Variants in GNPDA1 observed in about 807,000 individuals in gnomAD.
GNPDA1 encodes the protein glucosamine-6-phosphate deaminase 1.
GNPDA1 carries 24 observed loss-of-function variants against 28.5 expected under a neutral mutation model. The ratio of observed to expected loss-of-function variants is 0.84; its 90% CI spans 0.61 to 1.19. The LOEUF is 1.19. Among genes scored for constraint, GNPDA1 ranks in the 50% most tolerant of loss-of-function variants. GNPDA1 has a pLI of 0.00. For missense variants in GNPDA1, 264 were observed against 367.3 expected, an observed-to-expected ratio of 0.72 and a Z score of 2.30; for synonymous variants, 147 against 139.3, an observed-to-expected ratio of 1.06 and a Z score of -0.39.
At chr5:142,005,306 T>C in intron 4 of GNPDA1, 190 bp from the exon 5 acceptor site, 1 of 487,196 alleles carries the variant, frequency 2.1e-6, no homozygotes, top group East Asian at 2.9e-5. Context: ...TTTCTTTCTC[T>C]TTGCCATACT....
At chr5:142,011,057 C>G (rs1005021685) in intron 2 of GNPDA1, among the ~76,000 whole-genome samples, 11 of 151,962 alleles carry the variant, frequency 7.2e-5, no homozygotes, top group Non-Finnish European at 1.6e-4. Flanking sequence ...AGCAATCCAC[C>G]TACCTCAGCC....
chr5:142,007,839 G>A lies in GNPDA1; in HGVS notation c.186C>T (p.Ser62=). 1 of 1,612,318 alleles carries A rather than the reference G, an allele frequency of 6.2e-7. No homozygotes were observed. The highest frequency in any genetic ancestry group is 8.5e-7 in the Non-Finnish European group (1 of 1,178,394). ...TGTTGAAGGTCTTCACATATTTAAAGGACAGGTCCCCATTCTTATAGTATT... is the reference window on the plus strand; with the variant it reads ...TGTTGAAGGTCTTCACATATTTAAAAGACAGGTCCCCATTCTTATAGTATT... ...LIEYYKNGDL[S]FKYVKTFNMD... The change falls in exon 3 of 7, where the codon TCC becomes TCT. Residue 62 remains serine, a synonymous_variant. Coordinates refer to ENST00000311337, the MANE Select transcript of GNPDA1 (RefSeq NM_005471.5).
chr5:142,006,664 A>G (rs1755813685), intron 3 of GNPDA1, among the ~76,000 whole-genome samples: 1 of 152,144 alleles, frequency 6.6e-6, no homozygotes, highest in Non-Finnish European at 1.5e-5. Flanking sequence ...CACCTGGGGT[A>G]GGGCTGAACT....
In GNPDA1 at chr5:142,013,002, C is replaced by T. The variant is rs1756003364; in HGVS notation, c.-14G>A. On this transcript the variant is annotated 5_prime_UTR_variant, in exon 1 of 7. Transcript: ENST00000311337. Reference sequence around the variant, plus strand: ...GCCCTGCTACCCACTTACACGGACGCCTCCCGCGGCGGCTGCAGCGACTGC... The same window carrying T: ...GCCCTGCTACCCACTTACACGGACGTCTCCCGCGGCGGCTGCAGCGACTGC... 1 of 151,376 alleles carries T rather than the reference C, an allele frequency of 6.6e-6. No individual in the cohort carries two copies. Among genetic ancestry groups the T allele is most frequent in the African/African-American group, 2.4e-5 (1 of 41,346 alleles). The allele number at this position is 151,376 out of a possible 1,614,324, so 9.4% of individuals were successfully genotyped here.
chr5:142,006,192 A>C lies in GNPDA1; in HGVS notation c.361T>G (p.Phe121Val), dbSNP rs1034863681. The change falls in exon 4 of 7, where the codon TTT becomes GTT. Residue 121 changes from phenylalanine (F) to valine (V), a missense_variant. Coordinates refer to ENST00000311337, the MANE Select transcript of GNPDA1 (RefSeq NM_005471.5). ...AVDLQAECDA[F>V]EEKIKAAGGI... ...CCTGCAGCCTTGATCTTCTCTTCAA[A>C]GGCATCACATTCTGCCTGTAGGTCG... 6.2e-7 allele frequency: 1 copy of C among 1,614,124 alleles called. No individual in the cohort carries two copies. The highest frequency in any genetic ancestry group is 2.2e-5 in the East Asian group (1 of 44,882).
In GNPDA1 at chr5:142,006,264, T is replaced by C. The variant is rs757672273; in HGVS notation, c.289A>G (p.Ile97Val). The C allele has an allele frequency of 6.2e-7, 1 of 1,614,078 alleles. No homozygotes were observed. The highest frequency in any genetic ancestry group is 8.5e-7 in the Non-Finnish European group (1 of 1,179,918). ...SFMWNNFFKH[I>V]DIHPENTHIL... ...TGGGTGTTTTCTGGGTGGATGTCAA[T>C]GTGCTTGAAGAAGTTGTTCCACATG... The change falls in exon 4 of 7, where the codon ATT becomes GTT. Residue 97 changes from isoleucine to valine, a missense_variant. Coordinates refer to ENST00000311337, the MANE Select transcript of GNPDA1 (RefSeq NM_005471.5).
At chr5:142,007,641 C>T (rs1434541599) in intron 3 of GNPDA1, among the ~76,000 whole-genome samples, 158 bp downstream of exon 3, 1 of 151,854 alleles carries the variant, frequency 6.6e-6, no homozygotes, top group Non-Finnish European at 1.5e-5. Context: ...CTTTATTAGC[C>T]CCATTTTATA....
At chr5:142,007,687 G>A in intron 3 of GNPDA1, 112 bp downstream of exon 3, 1 of 696,892 alleles carries the variant, frequency 1.4e-6, no homozygotes, top group South Asian at 1.7e-5. Flanking sequence ...TGATAATTGA[G>A]CCTATCATCA....
At chr5:142,002,942 C>G in intron 6 of GNPDA1, 146 bp downstream of exon 6, 1 of 626,364 alleles carries the variant, frequency 1.6e-6, no homozygotes, top group Non-Finnish European at 2.8e-6. Flanking sequence ...AGAGAAATGA[C>G]TGTGTAGTGT....
intron 2 of GNPDA1, 22 bp downstream of exon 2, chr5:142,011,890 C>A: frequency 6.2e-7 from 1 of 1,613,696 alleles, no homozygotes; most frequent in East Asian, 2.2e-5. Context: ...ATCCACGGCA[C>A]CCTCTCCATC....
intron 4 of GNPDA1, 84 bp from the exon 5 acceptor site, chr5:142,005,200 GGTCT>G: frequency 1.8e-6 from 2 of 1,081,696 alleles, no homozygotes; most frequent in Non-Finnish European, 2.7e-6. Flanking sequence ...CCCTAACTAG[GGTCT>G]GAAGAAAAAT....
In GNPDA1 at chr5:142,011,927, G is replaced by A; in HGVS notation, c.109C>T (p.Leu37=). 6.2e-7 allele frequency: 1 copy of A among 1,614,098 alleles called. No individual in the cohort carries two copies. Among genetic ancestry groups the A allele is most frequent in the Non-Finnish European group, 8.5e-7 (1 of 1,179,960 alleles). Residue 37 remains leucine (L), a synonymous_variant, in exon 2 of 7, where the codon CTG becomes TTG. Transcript: ENST00000311337. ...AAGAACGCACCAGTGGGGAGCCCCA[G>A]GGTGAAGTACTTCTCTGGCCCTGGG... ...FNPGPEKYFT[L]GLPTGSTPLG...
chr5:142,002,091 A>G lies in GNPDA1; in HGVS notation c.808T>C (p.Tyr270His). Reference protein sequence around the residue: ...LVHNKLVDPLYSIKEKETEKS... With the variant: ...LVHNKLVDPLHSIKEKETEKS... ...TCAGTTTCTTTCTCTTTGATACTGTACAAGGGGTCCACCAACTTGTTATGA... is the reference window on the plus strand; with the variant it reads ...TCAGTTTCTTTCTCTTTGATACTGTGCAAGGGGTCCACCAACTTGTTATGA... The change falls in exon 7 of 7, where the codon TAC (tyrosine) becomes CAC (histidine). Residue 270 changes from tyrosine (Y) to histidine (H), a missense_variant. Tyr to His is a moderately conservative substitution (Grantham distance 83). Coordinates refer to ENST00000311337, the MANE Select transcript of GNPDA1 (RefSeq NM_005471.5). 6.2e-7 allele frequency: 1 copy of G among 1,603,986 alleles called. No homozygotes were observed. The highest frequency in any genetic ancestry group is 8.5e-7 in the Non-Finnish European group (1 of 1,171,208).
chr5:142,002,837 G>A (rs531750425), intron 6 of GNPDA1, among the ~76,000 whole-genome samples: 1 of 152,184 alleles, frequency 6.6e-6, no homozygotes, highest in Non-Finnish European at 1.5e-5. Flanking sequence ...GGCACTGTGA[G>A]GTCACCACAT....
At chr5:142,004,853 G>T (rs1416499827) in intron 5 of GNPDA1, 79 bp downstream of exon 5, 2 of 893,254 alleles carry the variant, frequency 2.2e-6, no homozygotes, top group Non-Finnish European at 3.3e-6. Context: ...TAAGAATGTA[G>T]GTGGTACCAG....
intron 6 of GNPDA1, 129 bp from the exon 7 acceptor site, chr5:142,002,258 C>A: frequency 1.7e-6 from 1 of 599,718 alleles, no homozygotes; most frequent in Non-Finnish European, 2.9e-6. Context: ...TCTCTATGAT[C>A]CCCAAATGAT....
intron 2 of GNPDA1, among the ~76,000 whole-genome samples, chr5:142,009,180 A>G (rs1267038026): frequency 2.6e-5 from 4 of 152,132 alleles, no homozygotes; most frequent in African/African-American, 4.8e-5. Flanking sequence ...TCTTTTTTGA[A>G]TATTTGAAAT....
chr5:142,011,541 T>C (rs1755954905), intron 2 of GNPDA1, among the ~76,000 whole-genome samples: 1 of 152,258 alleles, frequency 6.6e-6, no homozygotes, highest in Non-Finnish European at 1.5e-5. Context: ...GGTACTTAGC[T>C]GGTACCCCTC....
rs1755972601 is a variant in GNPDA1, at chr5:142,012,055, G to C, written c.-6-14C>G. 1.3e-6 allele frequency: 2 copies of C among 1,579,208 alleles called. No homozygotes were observed. The highest frequency in any genetic ancestry group is 1.7e-4 in the Middle Eastern group (1 of 5,950). On this transcript the variant is annotated splice_polypyrimidine_tract_variant and intron_variant, in intron 1 of 6. Transcript: ENST00000311337. The stretch of plus-strand genomic sequence containing the variant: ...CTTCATCTTGTCCTGCAGTGGGGGA[G>C]AGGGGATGACAGAAAGGAATCAATG...
Sources: allele counts gnomAD v4.1 joint callset (sites outside exome capture counted in the v4.1 genomes callset), GRCh38; gene constraint gnomAD v4.1.1; transcripts MANE v1.5; gene names NCBI Gene and HGNC (gene_info 2026-07-23, HGNC 2026-07-21).